Variants in ARFGEF3 observed in about 807,000 individuals in gnomAD.
ARFGEF3 encodes the protein ARFGEF family member 3.
A neutral mutation model predicts 221.7 loss-of-function variants in ARFGEF3; 96 were observed. The observed-to-expected ratio is 0.43, with a 90% CI of 0.37 to 0.51. The LOEUF (loss-of-function observed/expected upper bound fraction) is 0.51. Among genes scored for constraint, ARFGEF3 ranks in the 20% least tolerant of loss-of-function variants. The pLI is 0.00. For synonymous variants in ARFGEF3, 1,145 were observed against 1,126.8 expected (o/e 1.02, Z -0.32); for missense variants, 2,410 against 2,789.9 (o/e 0.86, Z 3.07).
At chr6:138,230,021 G>A (rs1778163476) in intron 5 of ARFGEF3, among the ~76,000 whole-genome samples, 169 bp downstream of exon 5, 1 of 152,050 alleles carries the variant, frequency 6.6e-6, no homozygotes, top group Non-Finnish European at 1.5e-5. Context: ...TGTGTGGTGC[G>A]CCATCCTTAG....
At chr6:138,240,967 A>AC (rs936277528) in intron 6 of ARFGEF3, among the ~76,000 whole-genome samples, 1 of 151,844 alleles carries the variant, frequency 6.6e-6, no homozygotes, top group Non-Finnish European at 1.5e-5. Context: ...AAATCTCAGG[A>AC]CCCCCAAATT....
At chr6:138,166,251 A>G (rs1054467813) in intron 1 of ARFGEF3, among the ~76,000 whole-genome samples, 2 of 152,210 alleles carry the variant, frequency 1.3e-5, no homozygotes, top group African/African-American at 4.8e-5. Flanking sequence ...ATCTTTTTCT[A>G]TTTATAAGAG....
intron 1 of ARFGEF3, among the ~76,000 whole-genome samples, chr6:138,166,528 T>C (rs927328513): frequency 2.6e-5 from 4 of 152,224 alleles, no homozygotes; most frequent in Admixed American, 1.3e-4. Context: ...ATGTATCTTC[T>C]CTTTATTTAG....
At chr6:138,187,095 CGT>C (rs1259890768) in intron 2 of ARFGEF3, among the ~76,000 whole-genome samples, 2 of 151,534 alleles carry the variant, frequency 1.3e-5, no homozygotes, top group African/African-American at 4.8e-5. Context: ...TTGTATTTTT[CGT>C]AGAGATAGGG....
chr6:138,221,625 T>G (rs889523119), intron 4 of ARFGEF3, among the ~76,000 whole-genome samples: 2 of 152,190 alleles, frequency 1.3e-5, no homozygotes, highest in Non-Finnish European at 2.9e-5. Context: ...AATGAACAGA[T>G]TATTTGTTCA....
At chr6:138,173,154 T>G (rs1776873234) in intron 2 of ARFGEF3, among the ~76,000 whole-genome samples, 1 of 152,162 alleles carries the variant, frequency 6.6e-6, no homozygotes, top group Non-Finnish European at 1.5e-5. Context: ...GTTCACCTTT[T>G]TTTTTGATGG....
intron 2 of ARFGEF3, among the ~76,000 whole-genome samples, chr6:138,173,270 T>C (rs1305421217): frequency 6.6e-6 from 1 of 151,990 alleles, no homozygotes; most frequent in Non-Finnish European, 1.5e-5. Context: ...ATTACAGCCT[T>C]CACAATTAAA....
At chr6:138,262,020 T>C (rs991801711) in intron 11 of ARFGEF3, among the ~76,000 whole-genome samples, 1 of 152,140 alleles carries the variant, frequency 6.6e-6, no homozygotes, top group African/African-American at 2.4e-5. Context: ...GTTTACTTTA[T>C]AGAGGAAGGT....
rs1369087388 is a variant in ARFGEF3, at chr6:138,339,040, C to T, written c.*2554C>T. 6.6e-6 allele frequency: 1 copy of T among 152,064 alleles called. No homozygotes were observed. Among genetic ancestry groups the T allele is most frequent in the Non-Finnish European group, 1.5e-5 (1 of 68,026 alleles). 9.4% of individuals were successfully genotyped at this position (152,064 alleles called of 1,614,324 possible). A position where few individuals can be genotyped will look rare whatever the true frequency, so the allele number is the denominator to read the frequency against. On this transcript the variant is annotated 3_prime_UTR_variant, in exon 34 of 34. Coordinates refer to ENST00000251691, the MANE Select transcript of ARFGEF3 (RefSeq NM_020340.5). ...TTTTTAAGAGTGTTTTGGTACCTTCCCATTGTCTTCTCTATAACTCAGTCC... is the reference window on the plus strand; with the variant it reads ...TTTTTAAGAGTGTTTTGGTACCTTCTCATTGTCTTCTCTATAACTCAGTCC...
intron 4 of ARFGEF3, among the ~76,000 whole-genome samples, chr6:138,229,481 G>A (rs1481136385): frequency 6.6e-6 from 1 of 152,204 alleles, no homozygotes; most frequent in East Asian, 1.9e-4. Context: ...ACTCTTTTGA[G>A]GTTTTTGCTG....
At chr6:138,243,393 C>G (rs1455380966) in intron 7 of ARFGEF3, among the ~76,000 whole-genome samples, 1 of 151,992 alleles carries the variant, frequency 6.6e-6, no homozygotes, top group Non-Finnish European at 1.5e-5. Flanking sequence ...TGTCAAATAC[C>G]AATTTTTTGA....
chr6:138,207,807 C>T (rs1777650933), intron 3 of ARFGEF3, among the ~76,000 whole-genome samples: 2 of 152,140 alleles, frequency 1.3e-5, no homozygotes, highest in Non-Finnish European at 2.9e-5. Context: ...GATGGATAAA[C>T]CATGGTGGCA....
rs546063399 is a variant in ARFGEF3, at chr6:138,341,008, C to T, written c.*4522C>T. ...ATAAAACCAAAATCTAAACTTTAGTCTTCAAGCAGACATTCAGTGTTACTT... is the reference window on the plus strand; with the variant it reads ...ATAAAACCAAAATCTAAACTTTAGTTTTCAAGCAGACATTCAGTGTTACTT... On this transcript the variant is annotated 3_prime_UTR_variant, in exon 34 of 34. Coordinates refer to ENST00000251691, the MANE Select transcript of ARFGEF3 (RefSeq NM_020340.5). 8 of 152,292 alleles carry T rather than the reference C, an allele frequency of 5.3e-5. No homozygotes were observed. The highest frequency in any genetic ancestry group is 1.7e-4 in the African/African-American group (7 of 41,540). The allele number at this position is 152,292 out of a possible 1,614,324, so 9.4% of individuals were successfully genotyped here. A position where few individuals can be genotyped will look rare whatever the true frequency, so the allele number is the denominator to read the frequency against.
At chr6:138,276,107 C>A (rs999595521) in intron 12 of ARFGEF3, among the ~76,000 whole-genome samples, 1 of 133,838 alleles carries the variant, frequency 7.5e-6, no homozygotes, top group Admixed American at 7.5e-5. Context: ...AGGAGTGGCT[C>A]GGTGTGTTTT....
intron 5 of ARFGEF3, among the ~76,000 whole-genome samples, chr6:138,233,937 AT>A (rs1351306179): frequency 6.6e-6 from 1 of 152,178 alleles, no homozygotes; most frequent in Non-Finnish European, 1.5e-5. Context: ...GAGTGAGGAA[AT>A]TGCAGTTCAA....
chr6:138,222,623 A>G (rs749033803), intron 4 of ARFGEF3, among the ~76,000 whole-genome samples: 1 of 152,230 alleles, frequency 6.6e-6, no homozygotes, highest in Non-Finnish European at 1.5e-5. Flanking sequence ...TCCTGCCGAC[A>G]AAAGGAATTA....
intron 14 of ARFGEF3, among the ~76,000 whole-genome samples, chr6:138,281,282 T>C (rs1779191330): frequency 6.6e-6 from 1 of 152,214 alleles, no homozygotes; most frequent in Admixed American, 6.5e-5. Flanking sequence ...TTGGTGCCTT[T>C]TGCAGAGTCT....
chr6:138,311,341 G>T, intron 24 of ARFGEF3, 66 bp from the exon 25 acceptor site: 1 of 943,352 alleles, frequency 1.1e-6, no homozygotes, highest in South Asian at 1.5e-5. Context: ...GAGTAAACAG[G>T]TCTCCTGTTA....
Position 138,193,157 on chromosome 6 carries a change from A to T in ARFGEF3, c.138-13885A>T, listed in dbSNP as rs141028720. Among the ~76,000 whole-genome samples, 966 of 152,288 alleles carry T rather than the reference A, an allele frequency of 6.3e-3. 14 individuals carry two copies. Among genetic ancestry groups the T allele is most frequent in the African/African-American group, 0.022 (931 of 41,556 alleles). On this transcript the variant is annotated intron_variant, in intron 2 of 33. Transcript: ENST00000251691. Reference sequence around the variant, plus strand: ...CACTGTGACTTCCCTATCAGGTCACAATGGGACTTTGGCTGCTCCACGAAC... The same window carrying T: ...CACTGTGACTTCCCTATCAGGTCACTATGGGACTTTGGCTGCTCCACGAAC...
Sources: allele counts gnomAD v4.1 joint callset (sites outside exome capture counted in the v4.1 genomes callset), GRCh38; gene constraint gnomAD v4.1.1; transcripts MANE v1.5; gene names NCBI Gene and HGNC (gene_info 2026-07-23, HGNC 2026-07-21).